Variants in CADPS observed in about 807,000 individuals in gnomAD.
CADPS encodes calcium dependent secretion activator.
CADPS carries 57 observed loss-of-function variants against 167.3 expected under a neutral mutation model. The observed-to-expected ratio is 0.34, with a 90% confidence interval of 0.28 to 0.42. The LOEUF (loss-of-function observed/expected upper bound fraction) is 0.42. Among genes scored for constraint, CADPS ranks in the 20% least tolerant of loss-of-function variants. The pLI, the probability that CADPS is intolerant of heterozygous loss-of-function variation, is 1.00. For missense variants in CADPS, 1,414 were observed against 1,738.1 expected, an observed-to-expected ratio of 0.81 and a Z score of 3.32; for synonymous variants, 676 against 635.3, an observed-to-expected ratio of 1.06 and a Z score of -0.96.
At chr3:62,453,478 C>T (rs1228861583) in intron 26 of CADPS, among the ~76,000 whole-genome samples, 1 of 152,050 alleles carries the variant, frequency 6.6e-6, no homozygotes, top group Admixed American at 6.5e-5. Context: ...AGAGGTATGT[C>T]CTCTATAAAG....
chr3:62,729,432 C>T (rs2077338437), intron 3 of CADPS, among the ~76,000 whole-genome samples: 1 of 151,646 alleles, frequency 6.6e-6, no homozygotes, highest in African/African-American at 2.4e-5. Context: ...TAATTCAGCC[C>T]CATAATGAGA....
At chr3:62,836,989 T>C (rs1169607649) in intron 1 of CADPS, among the ~76,000 whole-genome samples, 14 of 152,216 alleles carry the variant, frequency 9.2e-5, no homozygotes, top group Non-Finnish European at 2.1e-4. Context: ...ATTTATTCAA[T>C]ATTTTTGTAG....
Position 62,645,992 on chromosome 3 carries a change from T to G in CADPS, c.1204-149A>C, listed in dbSNP as rs1316646581. ...TTTGTACCAGTCATGCTGGGACCAG[T>G]CTAGCACGAAGATGCAATTCCTCAT... On this transcript the variant is annotated intron_variant, in intron 5 of 29. Coordinates refer to ENST00000383710, the MANE Select transcript of CADPS (RefSeq NM_003716.4). 5.0e-6 allele frequency: 4 copies of G among 807,246 alleles called. No homozygotes were observed. The East Asian group carries it at 8.1e-5, about 16-fold the overall frequency. The allele number at this position is 807,246 out of a possible 1,614,324, so 50.0% of individuals were successfully genotyped here.
intron 1 of CADPS, among the ~76,000 whole-genome samples, chr3:62,783,004 C>T (rs11130899): frequency 0.055 from 8,419 of 152,222 alleles, 783 homozygotes; most frequent in African/African-American, 0.19. Flanking sequence ...AGGTTATCCA[C>T]CTGCCTCAGC....
intron 26 of CADPS, among the ~76,000 whole-genome samples, chr3:62,450,527 T>C (rs2057884098): frequency 6.6e-6 from 1 of 152,212 alleles, no homozygotes; most frequent in African/African-American, 2.4e-5. Context: ...CTTCATCTCC[T>C]GGGACTCCCT....
chr3:62,427,719 A>G (rs918237616), intron 28 of CADPS, among the ~76,000 whole-genome samples: 1 of 152,214 alleles, frequency 6.6e-6, no homozygotes, highest in Admixed American at 6.5e-5. Flanking sequence ...TTTCTCTTTA[A>G]CAGGATGATT....
In CADPS at chr3:62,544,772, G is replaced by C; in HGVS notation, c.1966+5131C>G. 2.9e-6 allele frequency: 2 copies of C among 683,376 alleles called. No individual in the cohort carries two copies. The highest frequency in any genetic ancestry group is 3.9e-6 in the Non-Finnish European group (2 of 517,996). 42.3% of individuals were successfully genotyped at this position (683,376 alleles called of 1,614,324 possible). On this transcript the variant is annotated intron_variant, in intron 11 of 29. Coordinates refer to ENST00000383710, the MANE Select transcript of CADPS (RefSeq NM_003716.4). The surrounding 1 kb of genome is among the most constrained non-coding windows in gnomAD (Gnocchi z 4.4). ...TCTAGACATGAGGAAGATTTAAGGG[G>C]GAGGGAAGCACATTGCAGGTGTCAG...
In CADPS at chr3:62,789,972, G is replaced by T. The variant is rs549488815; in HGVS notation, c.442-23988C>A. On this transcript the variant is annotated intron_variant, in intron 1 of 29. Coordinates refer to ENST00000383710, the MANE Select transcript of CADPS (RefSeq NM_003716.4). Reference sequence around the variant, plus strand: ...TAGAGCCTTGAAAAAAATAGCCATAGTCCATGCTCTCAGGGAGTTTACTTT... The same window carrying T: ...TAGAGCCTTGAAAAAAATAGCCATATTCCATGCTCTCAGGGAGTTTACTTT... 3.9e-5 allele frequency among the ~76,000 whole-genome samples: 6 copies of T among 152,054 alleles called. No homozygotes were observed. The East Asian group carries it at 1.2e-3, about 29-fold the overall frequency.
Position 62,634,158 on chromosome 3 carries a change from C to T in CADPS, c.1325+11564G>A, listed in dbSNP as rs571009378. ...CTTATTTCATTTAATATGATGAATG[C>T]TAGTGCCTCAAACAGGTCTAGAGAA... On this transcript the variant is annotated intron_variant, in intron 6 of 29. Transcript: ENST00000383710. Among the ~76,000 whole-genome samples, 10 of 152,268 alleles carry T rather than the reference C, an allele frequency of 6.6e-5. No homozygotes were observed. In the South Asian group the frequency reaches 1.0e-3, roughly 16 times the overall value.
intron 3 of CADPS, among the ~76,000 whole-genome samples, chr3:62,743,981 G>A (rs1451292228): frequency 6.6e-6 from 1 of 152,106 alleles, no homozygotes; most frequent in Non-Finnish European, 1.5e-5. Flanking sequence ...TCTTCTCTAT[G>A]GAAAAGATGA....
At chr3:62,859,046 T>C (rs769692041) in intron 1 of CADPS, among the ~76,000 whole-genome samples, 2 of 152,112 alleles carry the variant, frequency 1.3e-5, no homozygotes, top group African/African-American at 2.4e-5. Context: ...TAGAGAAAGC[T>C]TTATATAAAA....
chr3:62,725,699 A>C (rs1658789), intron 3 of CADPS, among the ~76,000 whole-genome samples: 2 of 151,612 alleles, frequency 1.3e-5, no homozygotes, highest in African/African-American at 4.9e-5. Context: ...TTCATACTAT[A>C]TGGGAAGCTC....
At chr3:62,842,651 G>A (rs1369883062) in intron 1 of CADPS, among the ~76,000 whole-genome samples, 2 of 152,048 alleles carry the variant, frequency 1.3e-5, no homozygotes, top group Admixed American at 6.5e-5. Flanking sequence ...TTCCATGAAG[G>A]CAGAAATTTG....
intron 26 of CADPS, among the ~76,000 whole-genome samples, chr3:62,457,959 A>G (rs1303570835): frequency 6.6e-6 from 1 of 152,222 alleles, no homozygotes; most frequent in African/African-American, 2.4e-5. Flanking sequence ...GAGGGATAGC[A>G]TTAGAAGAAA....
chr3:62,615,894 AC>A (rs1254234632), intron 6 of CADPS, among the ~76,000 whole-genome samples: 1 of 152,104 alleles, frequency 6.6e-6, no homozygotes, highest in Admixed American at 6.6e-5. Flanking sequence ...TAATAAGACA[AC>A]CCTGCAACCT....
chr3:62,716,672 T>C (rs575748099), intron 3 of CADPS, among the ~76,000 whole-genome samples: 10 of 152,344 alleles, frequency 6.6e-5, no homozygotes, highest in Admixed American at 6.5e-5. Context: ...ATGATCTTTG[T>C]CCTTACATCA....
intron 3 of CADPS, among the ~76,000 whole-genome samples, chr3:62,700,484 T>C (rs537204664): frequency 2.0e-5 from 3 of 152,240 alleles, no homozygotes; most frequent in Non-Finnish European, 2.9e-5. Flanking sequence ...GTTCTCATTA[T>C]TACAATGGTC....
intron 13 of CADPS, among the ~76,000 whole-genome samples, chr3:62,531,551 T>C (rs2073695818): frequency 6.6e-6 from 1 of 152,226 alleles, no homozygotes; most frequent in Non-Finnish European, 1.5e-5. Context: ...ACAGAGATTT[T>C]AGTTGTATAG....
At chr3:62,673,774 A>C (rs1221029367) in intron 3 of CADPS, among the ~76,000 whole-genome samples, 1 of 152,174 alleles carries the variant, frequency 6.6e-6, no homozygotes, top group African/African-American at 2.4e-5. Context: ...TTTTCAAAAC[A>C]AGCCAGAGGT....
Sources: gnomAD v4.1 joint callset for allele counts (sites outside exome capture counted in the v4.1 genomes callset) on GRCh38, gnomAD v4.1.1 for gene constraint, Gnocchi (gnomAD v3.1) non-coding constraint, MANE v1.5 for transcripts, NCBI Gene and HGNC (gene_info 2026-07-23, HGNC 2026-07-21) for gene names.